Variants in ZNF407 observed in about 807,000 individuals in gnomAD.
The protein encoded by ZNF407 is zinc finger protein 407.
A neutral mutation model predicts 131.2 loss-of-function variants in ZNF407; 17 were observed. The observed-to-expected ratio is 0.13, with a 90% confidence interval of 0.09 to 0.19. The LOEUF is 0.19. Ranked by LOEUF, ZNF407 falls within the 10% of genes least tolerant of loss-of-function variation. The probability of loss-of-function intolerance (pLI) is 1.00; values close to 1 mark genes in which losing one functional copy is unlikely to be tolerated. For synonymous variants in ZNF407, 1,156 were observed against 1,062.0 expected (o/e 1.09, Z -1.72); for missense variants, 2,681 against 2,830.6 (o/e 0.95, Z 1.20).
At chr18:74,977,410 G>A (rs1220289763) in intron 8 of ZNF407, among the ~76,000 whole-genome samples, 1 of 152,192 alleles carries the variant, frequency 6.6e-6, no homozygotes, top group Non-Finnish European at 1.5e-5. Context: ...CTCAGAGAAG[G>A]GACCATGCAA....
At chr18:74,620,635 T>C (rs952807136) in intron 1 of ZNF407, among the ~76,000 whole-genome samples, 1 of 152,256 alleles carries the variant, frequency 6.6e-6, no homozygotes, top group Non-Finnish European at 1.5e-5. Context: ...CTAGCCTGTT[T>C]GCCTTCCAGG....
chr18:74,800,825 C>T (rs764722418), intron 4 of ZNF407, among the ~76,000 whole-genome samples: 6 of 152,062 alleles, frequency 3.9e-5, no homozygotes, highest in Non-Finnish European at 5.9e-5. Context: ...GATAACTTGA[C>T]TTCATTTGTC....
At chr18:74,785,659 A>G (rs1969689034) in intron 4 of ZNF407, among the ~76,000 whole-genome samples, 1 of 152,206 alleles carries the variant, frequency 6.6e-6, no homozygotes, top group Non-Finnish European at 1.5e-5. Context: ...CTATTTTTCA[A>G]GTTTACACAG....
intron 1 of ZNF407, among the ~76,000 whole-genome samples, chr18:74,623,241 TGTGTGTGC>T (rs1186833746): frequency 6.6e-6 from 1 of 151,630 alleles, no homozygotes; most frequent in Non-Finnish European, 1.5e-5. Context: ...CGGGTGTTAG[TGTGTGTGC>T]ATGTGAGTGT....
At chr18:74,861,349 GTTTAGTTTGC>G (rs985811098) in intron 4 of ZNF407, among the ~76,000 whole-genome samples, 24 of 152,164 alleles carry the variant, frequency 1.6e-4, no homozygotes, top group Admixed American at 1.4e-3. Flanking sequence ...AAATCCAAAT[GTTTAGTTTGC>G]TTCTAGTCAC....
intron 4 of ZNF407, among the ~76,000 whole-genome samples, chr18:74,783,217 A>G (rs1253958987): frequency 6.6e-6 from 1 of 152,182 alleles, no homozygotes; most frequent in East Asian, 1.9e-4. Flanking sequence ...TACAATAATA[A>G]TTTATTCAAT....
chr18:74,659,708 A>C (rs1395753994), intron 3 of ZNF407, among the ~76,000 whole-genome samples: 2 of 152,144 alleles, frequency 1.3e-5, no homozygotes, highest in African/African-American at 4.8e-5. Flanking sequence ...GGCAAAGTAA[A>C]TGGGGCAGGT....
At chr18:74,794,736 G>A (rs529729961) in intron 4 of ZNF407, among the ~76,000 whole-genome samples, 14 of 152,020 alleles carry the variant, frequency 9.2e-5, no homozygotes, top group African/African-American at 2.9e-4. Context: ...ACCTTTTTTG[G>A]TAAAAATGAA....
At chr18:75,035,471 G>A (rs1196652541) in intron 8 of ZNF407, among the ~76,000 whole-genome samples, 1 of 152,180 alleles carries the variant, frequency 6.6e-6, no homozygotes, top group Non-Finnish European at 1.5e-5. Flanking sequence ...TATGGCAAAT[G>A]GAATAGGTAG....
chr18:74,921,831 A>G (rs1236801814), intron 8 of ZNF407, among the ~76,000 whole-genome samples: 1 of 152,172 alleles, frequency 6.6e-6, no homozygotes, highest in Non-Finnish European at 1.5e-5. Flanking sequence ...CAGAAATGCG[A>G]GGTTCCAGCT....
rs1387850836 is a variant in ZNF407, at chr18:74,713,706, G to C, written c.4803-67722G>C. ...ATATCTCCCAAATTTTGTAATACGT[G>C]TACAAACAGACCGTGCTATAGAGAA... On this transcript the variant is annotated intron_variant, in intron 3 of 8. Coordinates refer to ENST00000299687, the MANE Select transcript of ZNF407 (RefSeq NM_017757.3). Among the ~76,000 whole-genome samples the C allele has an allele frequency of 2.0e-5, 3 of 152,170 alleles. No homozygotes were observed. The East Asian group carries it at 5.8e-4, about 29-fold the overall frequency.
At chr18:74,717,083 G>C (rs560286468) in intron 3 of ZNF407, among the ~76,000 whole-genome samples, 145 of 152,268 alleles carry the variant, frequency 9.5e-4, no homozygotes, top group African/African-American at 3.2e-3. Context: ...GTGTGTATAT[G>C]TGTATGTATG....
intron 4 of ZNF407, among the ~76,000 whole-genome samples, chr18:74,836,319 T>A (rs1970559240): frequency 6.6e-6 from 1 of 152,164 alleles, no homozygotes; most frequent in Admixed American, 6.5e-5. Context: ...CAGTTACCTT[T>A]ATTTACATGT....
At chr18:74,691,722 T>G (rs1188082656) in intron 3 of ZNF407, among the ~76,000 whole-genome samples, 1 of 152,206 alleles carries the variant, frequency 6.6e-6, no homozygotes, top group Non-Finnish European at 1.5e-5. Context: ...TTTGTAGTAT[T>G]CAAGATAATT....
chr18:74,876,666 CT>C (rs1971160970), intron 4 of ZNF407, among the ~76,000 whole-genome samples: 1 of 151,862 alleles, frequency 6.6e-6, no homozygotes, highest in African/African-American at 2.4e-5. Flanking sequence ...TCAAACGAAC[CT>C]TTTTATGTAC....
At chr18:74,690,901 T>A (rs1188985283) in intron 3 of ZNF407, among the ~76,000 whole-genome samples, 1 of 152,262 alleles carries the variant, frequency 6.6e-6, no homozygotes, top group African/African-American at 2.4e-5. Context: ...TATTTTTAGT[T>A]GTTCAGCTTT....
intron 3 of ZNF407, among the ~76,000 whole-genome samples, chr18:74,755,761 C>CTTTCTTTCTTTCTTTCTT (rs1968933534): frequency 8.4e-6 from 1 of 119,642 alleles, no homozygotes; most frequent in African/African-American, 4.0e-5. Context: ...TTCTTTCTTT[C>CTTTCTTTCTTTCTTTCTT]TTTCTTTCTT....
chr18:74,626,730 G>A (rs544714554), intron 1 of ZNF407, among the ~76,000 whole-genome samples: 1 of 152,348 alleles, frequency 6.6e-6, no homozygotes, highest in South Asian at 2.1e-4. Context: ...CACACATGCA[G>A]TAAAAGCGTC....
rs915307492 is a variant in ZNF407, at chr18:74,632,669, C to T, written c.1650C>T (p.Cys550=). Residue 550 remains cysteine, a synonymous_variant, in exon 2 of 9, where the codon TGC becomes TGT. Coordinates refer to ENST00000299687, the MANE Select transcript of ZNF407 (RefSeq NM_017757.3). The stretch of plus-strand genomic sequence containing the variant: ...ATTTGGAAATCCATGTGAAAAGGTG[C>T]CATGCCAGAGAGATGAAATTTTACT... The part of the protein sequence containing the change: ...RTDLEIHVKR[C]HAREMKFYCR... 77 of 1,613,878 alleles carry T rather than the reference C, an allele frequency of 4.8e-5. No homozygotes were observed. The highest frequency in any genetic ancestry group is 6.4e-5 in the Non-Finnish European group (76 of 1,179,904).
Sources: allele counts gnomAD v4.1 joint callset (sites outside exome capture counted in the v4.1 genomes callset), GRCh38; gene constraint gnomAD v4.1.1; transcripts MANE v1.5; gene names NCBI Gene and HGNC (gene_info 2026-07-23, HGNC 2026-07-21).